RANBP10: variants seen among roughly 807,000 people sequenced by gnomAD.
RANBP10 encodes ran-binding protein 10.
A neutral mutation model predicts 72.8 loss-of-function variants in RANBP10; 24 were observed. The ratio of observed to expected loss-of-function variants is 0.33; its 90% CI spans 0.24 to 0.46. The LOEUF (loss-of-function observed/expected upper bound fraction) is 0.46, where lower values mean the gene tolerates loss of function less well. RANBP10 is among the 20% of genes least tolerant of loss of function. The probability of loss-of-function intolerance (pLI) is 1.00; values close to 1 mark genes in which losing one functional copy is unlikely to be tolerated. For synonymous variants in RANBP10, 310 were observed against 322.3 expected (o/e 0.96, Z 0.41); for missense variants, 679 against 817.5 (o/e 0.83, Z 2.07).
chr16:67,781,965 C>G (rs1333691826), intron 2 of RANBP10, among the ~76,000 whole-genome samples: 1 of 152,052 alleles, frequency 6.6e-6, no homozygotes, highest in Non-Finnish European at 1.5e-5. Flanking sequence ...ATGCTGCCAC[C>G]CGAGCAAGGG....
chr16:67,805,753 G>A (rs1440098663), intron 1 of RANBP10, among the ~76,000 whole-genome samples: 1 of 152,178 alleles, frequency 6.6e-6, no homozygotes, highest in Non-Finnish European at 1.5e-5. Context: ...CTGAGACACT[G>A]CCCATACAAA....
intron 2 of RANBP10, among the ~76,000 whole-genome samples, chr16:67,797,796 G>A (rs890522507): frequency 6.7e-6 from 1 of 149,996 alleles, no homozygotes; most frequent in Non-Finnish European, 1.5e-5. Context: ...GGGTGACAGA[G>A]CAACACTCTG....
chr16:67,791,571 C>T (rs879440192), intron 2 of RANBP10, among the ~76,000 whole-genome samples: 8 of 152,090 alleles, frequency 5.3e-5, no homozygotes, highest in Non-Finnish European at 1.2e-4. Context: ...TGCCACCTAC[C>T]CTCAGGTGAA....
At chr16:67,744,072 T>G in intron 4 of RANBP10, 1 of 983,310 alleles carries the variant, frequency 1.0e-6, no homozygotes, top group Non-Finnish European at 1.2e-6. Context: ...ACTCTCAGCA[T>G]CCTCCCTGGG....
intron 5 of RANBP10, among the ~76,000 whole-genome samples, chr16:67,735,389 T>G (rs2053823104): frequency 6.6e-6 from 1 of 151,898 alleles, no homozygotes; most frequent in African/African-American, 2.4e-5. Flanking sequence ...CCCATGAAGG[T>G]CTGCTGCAAT....
chr16:67,726,156 C>T lies in RANBP10; in HGVS notation c.*272G>A, dbSNP rs537844406. 3 of 378,390 alleles carry T rather than the reference C, an allele frequency of 7.9e-6. No individual in the cohort carries two copies. Among genetic ancestry groups the T allele is most frequent in the African/African-American group, 2.1e-5 (1 of 47,412 alleles). The allele number at this position is 378,390 out of a possible 1,614,324, so 23.4% of individuals were successfully genotyped here. On this transcript the variant is annotated 3_prime_UTR_variant, in exon 14 of 14. Transcript: ENST00000317506. ...ACCCCAACCCCTCCTCAAAACAAAA[C>T]CCCCCTTTCAAAATAGAAGGCGCTA...
At chr16:67,797,923 G>A (rs963854537) in intron 2 of RANBP10, among the ~76,000 whole-genome samples, 2 of 150,296 alleles carry the variant, frequency 1.3e-5, no homozygotes, top group African/African-American at 4.9e-5. Context: ...TCAGGAGGTC[G>A]AGGCTGCAGT....
intron 3 of RANBP10, among the ~76,000 whole-genome samples, chr16:67,765,028 G>C (rs531104473): frequency 6.6e-6 from 1 of 151,902 alleles, no homozygotes; most frequent in Non-Finnish European, 1.5e-5. Context: ...ACAAAGATGT[G>C]TAAGTACCGG....
At chr16:67,735,069 A>T in intron 5 of RANBP10, 27 bp from the exon 6 acceptor site, 2 of 1,558,588 alleles carry the variant, frequency 1.3e-6, no homozygotes, top group Non-Finnish European at 1.7e-6. Context: ...AATGTCAGTC[A>T]GGCCCTGAGG....
Position 67,794,950 on chromosome 16 carries a change from A to C in RANBP10, c.347+10478T>G, listed in dbSNP as rs529939873. On this transcript the variant is annotated intron_variant, in intron 2 of 13. Transcript: ENST00000317506. ...CAAATTAAAAAAAAAAAAAAACAAA[A>C]AAAAAAAACAGCAACAAAAAAAGGC... 3.6e-3 allele frequency among the ~76,000 whole-genome samples: 550 copies of C among 151,078 alleles called. 7 individuals are homozygous for C. The highest frequency in any genetic ancestry group is 0.012 in the African/African-American group (505 of 41,152).
Position 67,725,628 on chromosome 16 carries a change from C to G in RANBP10, c.*800G>C, listed in dbSNP as rs1317953281. On this transcript the variant is annotated 3_prime_UTR_variant, in exon 14 of 14. Coordinates refer to ENST00000317506, the MANE Select transcript of RANBP10 (RefSeq NM_020850.3). ...GGACCCTCTACCTCTGCTGTGTGGC[C>G]CTGGGCCAAGTTATCACTTCTCTGG... 6.6e-6 allele frequency: 1 copy of G among 152,306 alleles called. No homozygotes were observed. Among genetic ancestry groups the G allele is most frequent in the Non-Finnish European group, 1.5e-5 (1 of 68,066 alleles). 9.4% of individuals were successfully genotyped at this position (152,306 alleles called of 1,614,324 possible).
At chr16:67,728,549 G>T (rs1294442342) in intron 10 of RANBP10, 38 bp from the exon 11 acceptor site, 28 of 1,613,456 alleles carry the variant, frequency 1.7e-5, no homozygotes, top group African/African-American at 4.0e-5. Flanking sequence ...GGCCCAGGGG[G>T]TGTGGTTGGA....
chr16:67,789,226 C>T (rs2054979550), intron 2 of RANBP10, among the ~76,000 whole-genome samples: 1 of 149,904 alleles, frequency 6.7e-6, no homozygotes, highest in Non-Finnish European at 1.5e-5. Context: ...AGGGGAATAG[C>T]TTGAACCTGG....
chr16:67,795,664 G>A (rs369131891), intron 2 of RANBP10, among the ~76,000 whole-genome samples: 8 of 151,688 alleles, frequency 5.3e-5, no homozygotes, highest in East Asian at 2.0e-4. Flanking sequence ...TCAGGAGATC[G>A]AGACCACGGT....
At chr16:67,790,399 T>C (rs1348970438) in intron 2 of RANBP10, among the ~76,000 whole-genome samples, 1 of 151,796 alleles carries the variant, frequency 6.6e-6, no homozygotes, top group Non-Finnish European at 1.5e-5. Context: ...TTGCACAACA[T>C]TGTGGATGCA....
chr16:67,785,420 T>C (rs1397041281), intron 2 of RANBP10, among the ~76,000 whole-genome samples: 2 of 151,718 alleles, frequency 1.3e-5, no homozygotes, highest in Non-Finnish European at 2.9e-5. Flanking sequence ...TTGGACTTAA[T>C]TAATATTAAA....
chr16:67,733,566 T>C (rs1417027535), intron 6 of RANBP10, among the ~76,000 whole-genome samples: 1 of 152,238 alleles, frequency 6.6e-6, no homozygotes, highest in East Asian at 1.9e-4. Flanking sequence ...CCATTATCAA[T>C]ATTCATTAAA....
chr16:67,800,188 G>A (rs1465785177), intron 2 of RANBP10, among the ~76,000 whole-genome samples: 2 of 151,964 alleles, frequency 1.3e-5, no homozygotes, highest in Non-Finnish European at 2.9e-5. Context: ...TGTCTGGAAT[G>A]AATGAATGAG....
intron 3 of RANBP10, 42 bp from the exon 4 acceptor site, chr16:67,744,497 G>A (rs2054031416): frequency 1.3e-6 from 2 of 1,564,834 alleles, no homozygotes; most frequent in Non-Finnish European, 1.7e-6. Context: ...AGGTACTTGA[G>A]GGAGGAACAA....
Sources: gnomAD v4.1 joint callset for allele counts (sites outside exome capture counted in the v4.1 genomes callset) on GRCh38, gnomAD v4.1.1 for gene constraint, MANE v1.5 for transcripts, NCBI Gene and HGNC (gene_info 2026-07-23, HGNC 2026-07-21) for gene names.